CDH20: variants seen among roughly 807,000 people sequenced by gnomAD.
CDH20 encodes the protein cadherin 20, also known as cadherin-20.
In CDH20, 29 loss-of-function variants were observed where a neutral mutation model predicts 74.2. That is an observed-to-expected ratio of 0.39 (90% CI 0.29 to 0.53). The LOEUF (loss-of-function observed/expected upper bound fraction) is 0.53. Ranked by LOEUF, CDH20 falls within the 20% of genes least tolerant of loss-of-function variation. The pLI is 0.69. For missense variants in CDH20, 988 were observed against 1,048.3 expected (o/e 0.94, Z 0.79); for synonymous variants, 469 against 405.4 (o/e 1.16, Z -1.88).
In CDH20 at chr18:61,338,912, G is replaced by A. The variant is rs1297125903; in HGVS notation, c.-153+5085G>A. ...CCTGACTAGAATCTTGCTCATAATA[G>A]ATTCTTTAAAAATATGTGTTGATTT... On this transcript the variant is annotated intron_variant, in intron 1 of 11. Transcript: ENST00000262717. Among the ~76,000 whole-genome samples, 5 of 152,026 alleles carry A rather than the reference G, an allele frequency of 3.3e-5. No homozygotes were observed. In the East Asian group the frequency reaches 7.7e-4, roughly 23 times the overall value.
intron 10 of CDH20, among the ~76,000 whole-genome samples, chr18:61,546,780 C>T (rs780307268): frequency 1.3e-5 from 2 of 152,272 alleles, no homozygotes; most frequent in South Asian, 4.2e-4. Flanking sequence ...TAAGACGTGA[C>T]TCATCTCTTG....
At chr18:61,501,947 A>G (rs1911398075) in intron 4 of CDH20, among the ~76,000 whole-genome samples, 1 of 152,140 alleles carries the variant, frequency 6.6e-6, no homozygotes, top group African/African-American at 2.4e-5. Flanking sequence ...AGCTGTGCCC[A>G]TGGGGGGCCT....
chr18:61,344,523 C>T (rs1184425203), intron 1 of CDH20, among the ~76,000 whole-genome samples: 2 of 152,146 alleles, frequency 1.3e-5, no homozygotes, highest in African/African-American at 4.8e-5. Flanking sequence ...GAGTTTGAGA[C>T]ATATGGCTAT....
chr18:61,548,564 G>T (rs961253131), intron 10 of CDH20, among the ~76,000 whole-genome samples: 1 of 152,216 alleles, frequency 6.6e-6, no homozygotes, highest in African/African-American at 2.4e-5. Context: ...TAATTAAGGG[G>T]TAATGTGTTA....
intron 1 of CDH20, among the ~76,000 whole-genome samples, chr18:61,421,083 C>G (rs1912861290): frequency 6.6e-6 from 1 of 152,028 alleles, no homozygotes; most frequent in Admixed American, 6.6e-5. Context: ...TAAAATTTGC[C>G]AGCTATAAAG....
At chr18:61,452,330 C>T (rs1252096260) in intron 1 of CDH20, among the ~76,000 whole-genome samples, 4 of 152,094 alleles carry the variant, frequency 2.6e-5, no homozygotes, top group Non-Finnish European at 5.9e-5. Flanking sequence ...TCACAAAACT[C>T]TTGCACCAAA....
chr18:61,358,221 T>C (rs940504982), intron 1 of CDH20, among the ~76,000 whole-genome samples: 3 of 151,574 alleles, frequency 2.0e-5, no homozygotes, highest in African/African-American at 7.3e-5. Context: ...TTCACGCCAT[T>C]CTCCTGCCTC....
chr18:61,432,066 GA>G, intron 1 of CDH20, among the ~76,000 whole-genome samples: 1 of 151,988 alleles, frequency 6.6e-6, no homozygotes, highest in Non-Finnish European at 1.5e-5. Context: ...CCAACATGGT[GA>G]AACCCCATCT....
intron 6 of CDH20, among the ~76,000 whole-genome samples, chr18:61,512,454 C>G (rs965760264): frequency 3.9e-4 from 59 of 152,234 alleles, no homozygotes; most frequent in African/African-American, 1.4e-3. Flanking sequence ...TCATCATTGT[C>G]TTATGGGTCA....
chr18:61,490,649 T>C lies in CDH20; in HGVS notation c.96T>C (p.Val32=), dbSNP rs1457798474. The C allele has an allele frequency of 4.3e-6, 7 of 1,613,954 alleles. No homozygotes were observed. Among genetic ancestry groups the C allele is most frequent in the Non-Finnish European group, 5.9e-6 (7 of 1,180,036 alleles). Residue 32 remains valine (V), a synonymous_variant, in exon 2 of 12, where the codon GTT becomes GTC. Transcript: ENST00000262717. ...GGCTGATGGACCTTACGACCACCGT[T>C]CTCTCGGACACCCCAACACCACAAG... ...FWGLMDLTTT[V]LSDTPTPQGE...
chr18:61,498,794 T>C (rs1213354409), intron 2 of CDH20, among the ~76,000 whole-genome samples: 2 of 152,246 alleles, frequency 1.3e-5, no homozygotes, highest in African/African-American at 4.8e-5. Context: ...TTCTTCATTT[T>C]AACACGTTTA....
At chr18:61,407,343 T>C (rs1448048498) in intron 1 of CDH20, among the ~76,000 whole-genome samples, 1 of 152,132 alleles carries the variant, frequency 6.6e-6, no homozygotes, top group Non-Finnish European at 1.5e-5. Context: ...TTCAAAAAGA[T>C]TTACATATAT....
intron 1 of CDH20, among the ~76,000 whole-genome samples, chr18:61,447,579 A>C (rs1909244415): frequency 6.6e-6 from 1 of 152,240 alleles, no homozygotes; most frequent in South Asian, 2.1e-4. Flanking sequence ...GAATTGTAAC[A>C]TTCAATAAAC....
intron 7 of CDH20, among the ~76,000 whole-genome samples, chr18:61,535,685 CCTTTT>C (rs1272555451): frequency 1.3e-5 from 2 of 152,184 alleles, no homozygotes; most frequent in Non-Finnish European, 2.9e-5. Context: ...CTATAAATGT[CCTTTT>C]CTTGCATAAA....
intron 6 of CDH20, among the ~76,000 whole-genome samples, chr18:61,522,901 T>C (rs1912261371): frequency 6.6e-6 from 1 of 152,158 alleles, no homozygotes; most frequent in Non-Finnish European, 1.5e-5. Context: ...TTATGCCTTA[T>C]ACAAACATTA....
chr18:61,354,029 C>A (rs889142166), intron 1 of CDH20, among the ~76,000 whole-genome samples: 3 of 136,376 alleles, frequency 2.2e-5, no homozygotes, highest in Non-Finnish European at 3.1e-5. Context: ...GGGTGACAGA[C>A]AGAGACCCTG....
chr18:61,351,958 T>C (rs1362088838), intron 1 of CDH20, among the ~76,000 whole-genome samples: 1 of 152,186 alleles, frequency 6.6e-6, no homozygotes, highest in Non-Finnish European at 1.5e-5. Context: ...GATAAAGCCA[T>C]GCATAAAGAC....
intron 1 of CDH20, among the ~76,000 whole-genome samples, chr18:61,435,662 A>G (rs1908807133): frequency 6.6e-6 from 1 of 151,392 alleles, no homozygotes; most frequent in Non-Finnish European, 1.5e-5. Flanking sequence ...AGTAAATTCA[A>G]AGTTTTTAAA....
intron 5 of CDH20, among the ~76,000 whole-genome samples, chr18:61,503,585 C>A (rs1911461969): frequency 6.6e-6 from 1 of 152,184 alleles, no homozygotes; most frequent in African/African-American, 2.4e-5. Flanking sequence ...CACACCTGCC[C>A]ATGTGACGAT....
Sources: allele counts gnomAD v4.1 joint callset (sites outside exome capture counted in the v4.1 genomes callset), GRCh38; gene constraint gnomAD v4.1.1; transcripts MANE v1.5; gene names NCBI Gene and HGNC (gene_info 2026-07-23, HGNC 2026-07-21).